The following AVL9 variants were observed in gnomAD, a reference collection of about 807,000 sequenced individuals.
The protein encoded by AVL9 is late secretory pathway protein AVL9 homolog.
A neutral mutation model predicts 79.2 loss-of-function variants in AVL9; 49 were observed. That is an observed-to-expected ratio of 0.62 (90% CI 0.49 to 0.79). The LOEUF (loss-of-function observed/expected upper bound fraction) is 0.79. AVL9 is among the 30% of genes least tolerant of loss of function. The probability of loss-of-function intolerance (pLI) is 0.00; values close to 1 mark genes in which losing one functional copy is unlikely to be tolerated. For missense variants in AVL9, 682 were observed against 776.8 expected, an observed-to-expected ratio of 0.88 and a Z score of 1.45; for synonymous variants, 299 against 280.6, an observed-to-expected ratio of 1.07 and a Z score of -0.65.
At chr7:32,573,465 T>C in intron 12 of AVL9, 47 bp downstream of exon 12, 1 of 1,528,026 alleles carries the variant, frequency 6.5e-7, no homozygotes, top group Non-Finnish European at 9.0e-7. Flanking sequence ...ATTATAATTT[T>C]TCATTTTGTA....
chr7:32,558,448 G>A (rs538249816), intron 8 of AVL9, 111 bp from the exon 9 acceptor site: 39 of 762,032 alleles, frequency 5.1e-5, no homozygotes, highest in East Asian at 4.4e-4. Flanking sequence ...GAGCCACTGC[G>A]CCCGGCCAGC....
At chr7:32,562,543 ATCTT>A in intron 10 of AVL9, 1 of 742,720 alleles carries the variant, frequency 1.3e-6, no homozygotes, top group Non-Finnish European at 1.6e-6. Context: ...ATCAAATTGA[ATCTT>A]TAATTCACAG....
intron 1 of AVL9, among the ~76,000 whole-genome samples, chr7:32,503,363 T>TACACACACAC (rs1199472851): frequency 1.8e-4 from 18 of 100,310 alleles, no homozygotes; most frequent in Non-Finnish European, 2.9e-4. Flanking sequence ...TATAGAGAGA[T>TACACACACAC]ATATATATAT....
chr7:32,545,364 C>CTTTTTTTTTTTTTTT (rs10610945), intron 3 of AVL9, among the ~76,000 whole-genome samples: 10 of 73,352 alleles, frequency 1.4e-4, no homozygotes, highest in African/African-American at 4.9e-4. Context: ...TCTAAGATTT[C>CTTTTTTTTTTTTTTT]TTTTTTTTTT....
intron 1 of AVL9, among the ~76,000 whole-genome samples, chr7:32,496,255 C>A (rs1172547809): frequency 1.3e-5 from 2 of 152,224 alleles, no homozygotes; most frequent in Admixed American, 1.3e-4. Context: ...AGGTAGCTTG[C>A]AGCACATGCA....
intron 10 of AVL9, among the ~76,000 whole-genome samples, chr7:32,567,417 T>C (rs1372998187): frequency 6.6e-6 from 1 of 152,148 alleles, no homozygotes. Context: ...TGCTACAATT[T>C]TAAAGCTGTT....
intron 1 of AVL9, among the ~76,000 whole-genome samples, chr7:32,507,362 AAATATT>A: frequency 6.6e-6 from 1 of 152,332 alleles, no homozygotes; most frequent in Admixed American, 6.5e-5. Context: ...ACAAGTCTAG[AAATATT>A]AATATTGACA....
At chr7:32,523,179 C>T (rs1027296210) in intron 1 of AVL9, among the ~76,000 whole-genome samples, 2 of 110,738 alleles carry the variant, frequency 1.8e-5, no homozygotes, top group Non-Finnish European at 3.8e-5. Flanking sequence ...AAAAGGAAAG[C>T]AAAAAGGGAG....
chr7:32,571,483 G>C (rs1426480459), intron 11 of AVL9, among the ~76,000 whole-genome samples: 2 of 151,836 alleles, frequency 1.3e-5, no homozygotes, highest in Non-Finnish European at 2.9e-5. Context: ...AGCCGAGATC[G>C]TGCCACTGCA....
intron 13 of AVL9, among the ~76,000 whole-genome samples, chr7:32,579,552 A>T (rs1215727332): frequency 2.0e-4 from 1 of 4,958 alleles, no homozygotes; most frequent in African/African-American, 1.0e-3. Context: ...ATTATATATT[A>T]TATATTATAT....
intron 1 of AVL9, chr7:32,537,341 T>A (rs1447102049): frequency 6.6e-6 from 1 of 152,102 alleles, no homozygotes; most frequent in Non-Finnish European, 1.5e-5. Flanking sequence ...TTTAATTATA[T>A]CACATTTGAA....
intron 4 of AVL9, among the ~76,000 whole-genome samples, chr7:32,549,547 A>G (rs1011399504): frequency 3.9e-5 from 6 of 152,038 alleles, no homozygotes; most frequent in Non-Finnish European, 7.4e-5. Context: ...TTCATCCAAA[A>G]TAAAATTTTG....
chr7:32,546,486 A>C (rs1450398895), intron 3 of AVL9, among the ~76,000 whole-genome samples: 1 of 152,228 alleles, frequency 6.6e-6, no homozygotes, highest in African/African-American at 2.4e-5. Context: ...CCTTAAATGT[A>C]TACAATTTTT....
chr7:32,548,390 C>T (rs988024895), intron 3 of AVL9, among the ~76,000 whole-genome samples: 2 of 152,058 alleles, frequency 1.3e-5, no homozygotes, highest in African/African-American at 4.8e-5. Context: ...TCAGGTGACC[C>T]ACCCACCTCA....
rs1469486465 is a variant in AVL9 at position 32,571,541 on chromosome 7, GA to G, written c.1350+1395del. Among the ~76,000 whole-genome samples, 10 of 151,472 alleles carry G rather than the reference GA, an allele frequency of 6.6e-5. No individual in the cohort carries two copies. In the East Asian group the frequency reaches 1.9e-3, roughly 29 times the overall value. ...AAATTCTGTCTCAAAAAAAAAAGAA[GA>G]AAAAAAATTCACCCACACTAAGGTT... On this transcript the variant is annotated intron_variant, in intron 11 of 15. Transcript: ENST00000318709.
At position 32,579,053 on chromosome 7, in the gene AVL9, A is replaced by G. The variant is rs1010745647; in HGVS notation, c.1689-1166A>G. Among the ~76,000 whole-genome samples the G allele has an allele frequency of 7.3e-5, 11 of 151,510 alleles. 1 individual carries two copies. Among genetic ancestry groups the G allele is most frequent in the Admixed American group, 4.6e-4 (7 of 15,116 alleles). On this transcript the variant is annotated intron_variant, in intron 13 of 15. Transcript: ENST00000318709. ...GTGATTCAGGAATCCAAGAAGAAGA[A>G]GTGTCACATATACTTACTTTGGGCC... is the stretch of plus-strand genomic sequence containing the variant.
chr7:32,503,151 C>A lies in AVL9; in HGVS notation c.93+7349C>A, dbSNP rs371730232. Among the ~76,000 whole-genome samples, 6 of 151,580 alleles carry A rather than the reference C, an allele frequency of 4.0e-5. No homozygotes were observed. The East Asian group carries it at 1.2e-3, about 29-fold the overall frequency. ...GGTAATTAAGTTGTCAGAAGTGTGACTTCTGAATAAACTCTGGGTGTTCAT... is the reference window on the plus strand; with the variant it reads ...GGTAATTAAGTTGTCAGAAGTGTGAATTCTGAATAAACTCTGGGTGTTCAT... On this transcript the variant is annotated intron_variant, in intron 1 of 15. Coordinates refer to ENST00000318709, the MANE Select transcript of AVL9 (RefSeq NM_015060.3).
In AVL9 at chr7:32,579,507, ATATATTATATTATATAT is replaced by A. The variant is rs1237785070; in HGVS notation, c.1689-706_1689-690del. On this transcript the variant is annotated intron_variant, in intron 13 of 15. Coordinates refer to ENST00000318709, the MANE Select transcript of AVL9 (RefSeq NM_015060.3). Reference sequence around the variant, plus strand: ...TATAATATATTACATATTATATATTATATATTATATTATATATTATATATTATATTATATATTATATA... The same window carrying A: ...TATAATATATTACATATTATATATTATATATATTATATTATATATTATATA... 2.1e-3 allele frequency among the ~76,000 whole-genome samples: 21 copies of A among 10,172 alleles called. 5 individuals are homozygous for A. Among genetic ancestry groups the A allele is most frequent in the African/African-American group, 0.01 (21 of 2,094 alleles). 6.7% of individuals were successfully genotyped at this position (10,172 alleles called of 152,430 possible).
In AVL9 at chr7:32,580,786, C is replaced by G. The variant is rs1396168290; in HGVS notation, c.1743-16C>G. The G allele has an allele frequency of 6.2e-7, 1 of 1,602,140 alleles. No individual in the cohort carries two copies. ...AAATTGTACCTAACACTTCTTTTATCTTATCTTTTACCCAGTTCTGTTCAG... is the reference window on the plus strand; with the variant it reads ...AAATTGTACCTAACACTTCTTTTATGTTATCTTTTACCCAGTTCTGTTCAG... On this transcript the variant is annotated splice_polypyrimidine_tract_variant and intron_variant, in intron 14 of 15. Transcript: ENST00000318709.
Sources: gnomAD v4.1 joint callset for allele counts (sites outside exome capture counted in the v4.1 genomes callset) on GRCh38, gnomAD v4.1.1 for gene constraint, MANE v1.5 for transcripts, NCBI Gene and HGNC (gene_info 2026-07-23, HGNC 2026-07-21) for gene names.